ERBB4: variants seen among roughly 807,000 people sequenced by gnomAD.
ERBB4 encodes erb-b2 receptor tyrosine kinase 4, also known as receptor tyrosine-protein kinase erbB-4.
Under a neutral mutation model 158.0 loss-of-function variants are expected in ERBB4, and 42 were observed. That is an observed-to-expected ratio of 0.27 (90% CI 0.21 to 0.34). The LOEUF (loss-of-function observed/expected upper bound fraction) is 0.34, where lower values mean the gene tolerates loss of function less well. ERBB4 is among the 10% of genes least tolerant of loss of function. The pLI is 1.00. For missense variants in ERBB4, 1,333 were observed against 1,624.1 expected, an observed-to-expected ratio of 0.82 and a Z score of 3.08; for synonymous variants, 583 against 558.7, an observed-to-expected ratio of 1.04 and a Z score of -0.61.
chr2:212,282,297 G>A (rs558432862), intron 1 of ERBB4, among the ~76,000 whole-genome samples: 1 of 152,020 alleles, frequency 6.6e-6, no homozygotes, highest in South Asian at 2.1e-4. Flanking sequence ...TGGTTACAAA[G>A]TGACTTGGCA....
At chr2:211,488,034 A>G (rs183995216) in intron 20 of ERBB4, among the ~76,000 whole-genome samples, 1 of 152,040 alleles carries the variant, frequency 6.6e-6, no homozygotes, top group East Asian at 1.9e-4. Context: ...ATTAACACTC[A>G]TACCACACAG....
At chr2:212,221,964 T>C (rs1360383304) in intron 1 of ERBB4, among the ~76,000 whole-genome samples, 1 of 151,606 alleles carries the variant, frequency 6.6e-6, no homozygotes, top group Non-Finnish European at 1.5e-5. Context: ...TTTCAAAGTA[T>C]CCACATCTAC....
At chr2:211,763,831 T>C (rs2075477601) in intron 4 of ERBB4, among the ~76,000 whole-genome samples, 1 of 151,950 alleles carries the variant, frequency 6.6e-6, no homozygotes. Flanking sequence ...CATCGTATGT[T>C]ACTACCACTT....
In ERBB4 at chr2:212,274,449, T is replaced by A. The variant is rs371202300; in HGVS notation, c.83-149546A>T. On this transcript the variant is annotated intron_variant, in intron 1 of 27. Transcript: ENST00000342788. Reference sequence around the variant, plus strand: ...GATGAACTGCTCATGCTGAGATGATTAGCATCACATGGCATGTTAGGTGGC... The same window carrying A: ...GATGAACTGCTCATGCTGAGATGATAAGCATCACATGGCATGTTAGGTGGC... Among the ~76,000 whole-genome samples the A allele has an allele frequency of 9.9e-5, 15 of 151,984 alleles. No individual in the cohort carries two copies. The South Asian group carries it at 2.9e-3, about 29-fold the overall frequency.
intron 1 of ERBB4, among the ~76,000 whole-genome samples, chr2:212,213,703 G>A (rs1019981469): frequency 6.6e-6 from 1 of 151,808 alleles, no homozygotes; most frequent in Non-Finnish European, 1.5e-5. Flanking sequence ...CTGATCTAAT[G>A]GCAAAGGCTC....
intron 2 of ERBB4, among the ~76,000 whole-genome samples, chr2:211,998,591 G>A (rs1290556516): frequency 6.7e-6 from 1 of 149,416 alleles, no homozygotes; most frequent in Non-Finnish European, 1.5e-5. Flanking sequence ...TACTTTGTAA[G>A]TAAATTTCCC....
At chr2:212,444,800 C>G (rs1232284415) in intron 1 of ERBB4, among the ~76,000 whole-genome samples, 5 of 152,086 alleles carry the variant, frequency 3.3e-5, no homozygotes, top group Admixed American at 3.3e-4. Flanking sequence ...GCTGAGCCCT[C>G]TGTAAGGCAC....
intron 1 of ERBB4, among the ~76,000 whole-genome samples, chr2:212,301,257 C>T (rs2086611024): frequency 6.6e-6 from 1 of 151,010 alleles, no homozygotes; most frequent in African/African-American, 2.4e-5. Flanking sequence ...ATTATATTAT[C>T]GCTTCTATTT....
intron 5 of ERBB4, among the ~76,000 whole-genome samples, chr2:211,742,843 C>T (rs2074842278): frequency 6.6e-6 from 1 of 151,556 alleles, no homozygotes; most frequent in Non-Finnish European, 1.5e-5. Flanking sequence ...AAATACAGTG[C>T]TTATCTTTAT....
chr2:211,592,499 G>A (rs143755067), intron 19 of ERBB4, among the ~76,000 whole-genome samples: 165 of 152,242 alleles, frequency 1.1e-3, no homozygotes, highest in African/African-American at 3.5e-3. Context: ...ATTGTAAAGC[G>A]TAATGTCTGA....
At chr2:211,551,318 A>G (rs528741149) in intron 20 of ERBB4, among the ~76,000 whole-genome samples, 7 of 152,322 alleles carry the variant, frequency 4.6e-5, no homozygotes, top group Admixed American at 4.6e-4. Flanking sequence ...TAAAAATGAT[A>G]AATAATAAGC....
intron 1 of ERBB4, among the ~76,000 whole-genome samples, chr2:212,216,498 T>A (rs914849007): frequency 1.3e-5 from 2 of 151,336 alleles, no homozygotes; most frequent in Non-Finnish European, 3.0e-5. Context: ...TGTAGTTCAT[T>A]CAAAAAGTGT....
intron 3 of ERBB4, among the ~76,000 whole-genome samples, chr2:211,900,228 C>G (rs1205491769): frequency 6.6e-6 from 1 of 152,122 alleles, no homozygotes; most frequent in Non-Finnish European, 1.5e-5. Flanking sequence ...CTTGCATTCT[C>G]AATTAGAAAT....
intron 2 of ERBB4, among the ~76,000 whole-genome samples, chr2:211,948,559 G>A (rs1208454338): frequency 6.6e-6 from 1 of 151,266 alleles, no homozygotes; most frequent in Admixed American, 6.6e-5. Context: ...ATTATTTGAG[G>A]GTTTGTGAGA....
At chr2:211,609,115 G>T (rs1435705121) in intron 19 of ERBB4, among the ~76,000 whole-genome samples, 1 of 152,026 alleles carries the variant, frequency 6.6e-6, no homozygotes, top group Non-Finnish European at 1.5e-5. Flanking sequence ...CTGTCCTCCT[G>T]TCGCTCAGTC....
In ERBB4 at chr2:211,773,627, TATATATATATATATATATATA is replaced by T. The variant is rs1559506188; in HGVS notation, c.556+14377_556+14397del. Among the ~76,000 whole-genome samples the T allele has an allele frequency of 7.1e-4, 37 of 52,284 alleles. 3 individuals carry two copies. In the Middle Eastern group the frequency reaches 0.034, roughly 48 times the overall value. The allele number at this position is 52,284 out of a possible 152,430, so 34.3% of individuals were successfully genotyped here. On this transcript the variant is annotated intron_variant, in intron 4 of 27. Coordinates refer to ENST00000342788, the MANE Select transcript of ERBB4 (RefSeq NM_005235.3). ...ATATATATATATATATATATATATATATATATATATATATATATATAATATATATACACACACACACACTTC... is the reference window on the plus strand; with the variant it reads ...ATATATATATATATATATATATATATATATATATACACACACACACACTTC...
chr2:212,503,454 C>CA (rs914974055), intron 1 of ERBB4, among the ~76,000 whole-genome samples: 1 of 152,094 alleles, frequency 6.6e-6, no homozygotes, highest in African/African-American at 2.4e-5. Context: ...ACAGAAAATC[C>CA]AAATGGACTG....
At chr2:211,911,869 G>A (rs2125056563) in intron 3 of ERBB4, among the ~76,000 whole-genome samples, 1 of 149,560 alleles carries the variant, frequency 6.7e-6, no homozygotes, top group South Asian at 2.1e-4. Context: ...AATATAATTA[G>A]TAGTAGAATA....
rs189011397 is a variant in ERBB4, at chr2:211,427,680, A to G, written c.2719+728T>C. ...TTGTTATGACAATAATCTGTTTTCT[A>G]CTATAGAACATAAATTCTTACATGC... On this transcript the variant is annotated intron_variant, in intron 22 of 27. Transcript: ENST00000342788. 3.9e-5 allele frequency among the ~76,000 whole-genome samples: 6 copies of G among 152,290 alleles called. No homozygotes were observed. In the East Asian group the frequency reaches 1.2e-3, roughly 29 times the overall value.
Sources: gnomAD v4.1 joint callset for allele counts (sites outside exome capture counted in the v4.1 genomes callset) on GRCh38, gnomAD v4.1.1 for gene constraint, MANE v1.5 for transcripts, NCBI Gene and HGNC (gene_info 2026-07-23, HGNC 2026-07-21) for gene names.